MEGF11: variants seen among roughly 807,000 people sequenced by gnomAD.
MEGF11 encodes multiple EGF like domains 11.
In MEGF11, 126 loss-of-function variants were observed where a neutral mutation model predicts 146.6. The observed-to-expected ratio is 0.86, with a 90% CI of 0.74 to 1.00. The LOEUF is 1.00. Ranked by LOEUF, MEGF11 falls within the 50% of genes least tolerant of loss-of-function variation. The probability of loss-of-function intolerance (pLI) is 0.00; values close to 1 mark genes in which losing one functional copy is unlikely to be tolerated. For synonymous variants in MEGF11, 532 were observed against 583.4 expected, an observed-to-expected ratio of 0.91 and a Z score of 1.27; for missense variants, 1,509 against 1,521.2, an observed-to-expected ratio of 0.99 and a Z score of 0.13.
chr15:65,922,405 C>T lies in MEGF11; in HGVS notation c.1890G>A (p.Arg630=), dbSNP rs377478570. ...AGATGCCGCTGATGTGGTGGCAGGGCCTGCTGCTGTGCACGCAGAGGGGGC... is the reference window on the plus strand; with the variant it reads ...AGATGCCGCTGATGTGGTGGCAGGGTCTGCTGCTGTGCACGCAGAGGGGGC... ...QPCPLCVHSS[R]PCHHISGICE... is the part of the protein sequence containing the mutation. The change falls in exon 15 of 26, where the codon AGG becomes AGA. Residue 630 remains arginine, a synonymous_variant. Coordinates refer to ENST00000395614, the MANE Select transcript of MEGF11 (RefSeq NM_001385028.1). 114 of 1,596,492 alleles carry T rather than the reference C, an allele frequency of 7.1e-5. No individual in the cohort carries two copies. Among genetic ancestry groups the T allele is most frequent in the Non-Finnish European group, 9.2e-5 (108 of 1,172,138 alleles).
chr15:66,251,913 C>T (rs1042657068), intron 1 of MEGF11, among the ~76,000 whole-genome samples: 2 of 152,236 alleles, frequency 1.3e-5, no homozygotes, highest in African/African-American at 2.4e-5. Flanking sequence ...CCAGGAAAAT[C>T]CGCCGGAGGA....
At position 65,970,551 on chromosome 15, in the gene MEGF11, A is replaced by G. The variant is rs766574463; in HGVS notation, c.899+2T>C. 1 of 1,613,786 alleles carries G rather than the reference A, an allele frequency of 6.2e-7. No individual in the cohort carries two copies. Among genetic ancestry groups the G allele is most frequent in the Admixed American group, 1.7e-5 (1 of 59,988 alleles). ...AAAGATAACAGTTAACACTATCCTT[A>G]CCTGTCCCCCATGTATCCAGCTGTA... On this transcript the variant is annotated splice_donor_variant, in intron 8 of 25. Coordinates refer to ENST00000395614, the MANE Select transcript of MEGF11 (RefSeq NM_001385028.1). LOFTEE classifies it high-confidence loss of function.
In MEGF11 at chr15:66,021,670, G is replaced by A. The variant is rs147007304; in HGVS notation, c.395-39182C>T. On this transcript the variant is annotated intron_variant, in intron 5 of 25. Transcript: ENST00000395614. Reference sequence around the variant, plus strand: ...CAAATGCTTTTCTACAGGAGGCTCTGGGACTGGCAGAGTTTCCCAGATACC... The same window carrying A: ...CAAATGCTTTTCTACAGGAGGCTCTAGGACTGGCAGAGTTTCCCAGATACC... 3.9e-3 allele frequency among the ~76,000 whole-genome samples: 590 copies of A among 152,288 alleles called. 6 individuals are homozygous for A. Among genetic ancestry groups the A allele is most frequent in the African/African-American group, 0.013 (550 of 41,544 alleles).
In MEGF11 at chr15:66,164,362, G is replaced by A. The variant is rs142391867; in HGVS notation, c.-8-35951C>T. ...CAGTACACAACCTGGATCGCTGCACGTGAGGGGCCTGCTGGATCTACATCA... is the reference window on the plus strand; with the variant it reads ...CAGTACACAACCTGGATCGCTGCACATGAGGGGCCTGCTGGATCTACATCA... On this transcript the variant is annotated intron_variant, in intron 1 of 25. Transcript: ENST00000395614. 1.6e-3 allele frequency among the ~76,000 whole-genome samples: 241 copies of A among 152,274 alleles called. 1 individual carries two copies. Among genetic ancestry groups the A allele is most frequent in the African/African-American group, 5.1e-3 (210 of 41,552 alleles).
intron 3 of MEGF11, among the ~76,000 whole-genome samples, chr15:66,120,205 T>C (rs757677178): frequency 6.6e-6 from 1 of 151,824 alleles, no homozygotes; most frequent in Non-Finnish European, 1.5e-5. Flanking sequence ...AGTGAAGGAG[T>C]AAGTAAAAAG....
chr15:66,018,270 G>A (rs2082965810), intron 5 of MEGF11, among the ~76,000 whole-genome samples: 1 of 152,206 alleles, frequency 6.6e-6, no homozygotes. Context: ...CACTAAGCAG[G>A]GCACAGACCA....
At position 65,922,322 on chromosome 15, in the gene MEGF11, C is replaced by T; in HGVS notation, c.1957+16G>A. On this transcript the variant is annotated intron_variant, in intron 15 of 25. Coordinates refer to ENST00000395614, the MANE Select transcript of MEGF11 (RefSeq NM_001385028.1). The stretch of plus-strand genomic sequence containing the variant: ...TCTCACCTCCCCACCCAGTACCTTC[C>T]CACTGGAGACAGTACCTTGGTTGCA... The T allele has an allele frequency of 2.5e-6, 4 of 1,605,708 alleles. No homozygotes were observed. The highest frequency in any genetic ancestry group is 3.4e-6 in the Non-Finnish European group (4 of 1,176,338).
chr15:66,127,276 C>T (rs139402732), intron 2 of MEGF11, among the ~76,000 whole-genome samples: 4 of 152,364 alleles, frequency 2.6e-5, no homozygotes, highest in African/African-American at 7.2e-5. Flanking sequence ...CTGCCTTTTG[C>T]TCCATCCTCA....
chr15:66,144,434 C>T lies in MEGF11; in HGVS notation c.-8-16023G>A, dbSNP rs2089291559. 2.6e-5 allele frequency among the ~76,000 whole-genome samples: 4 copies of T among 152,288 alleles called. No individual in the cohort carries two copies. The South Asian group carries it at 8.3e-4, about 32-fold the overall frequency. On this transcript the variant is annotated intron_variant, in intron 1 of 25. Transcript: ENST00000395614. ...CACAGGTACCCAGCATGGGTACCCC[C>T]TTCCTGCCAATATCCTAGTTCTTCC... is the stretch of plus-strand genomic sequence containing the variant.
chr15:65,930,365 C>T (rs769289761), intron 11 of MEGF11, among the ~76,000 whole-genome samples: 4 of 152,090 alleles, frequency 2.6e-5, no homozygotes, highest in Admixed American at 2.0e-4. Flanking sequence ...TGCAGGAGAC[C>T]GGCCCACAGA....
At chr15:66,242,747 G>A (rs1050805885) in intron 1 of MEGF11, among the ~76,000 whole-genome samples, 8 of 152,094 alleles carry the variant, frequency 5.3e-5, no homozygotes, top group East Asian at 1.9e-4. Context: ...CTTCCACCTC[G>A]AGGTCCTCTC....
In MEGF11 at chr15:65,918,145, A is replaced by G. The variant is rs1215362254; in HGVS notation, c.1958-51T>C. On this transcript the variant is annotated intron_variant, in intron 15 of 25. Transcript: ENST00000395614. ...CCATCCTCCCACCTGTGTTCCTCTG[A>G]CCTCCACCCACAGCCTCATCCCTAG... 9 of 1,605,578 alleles carry G rather than the reference A, an allele frequency of 5.6e-6. No individual in the cohort carries two copies. In the Admixed American group the frequency reaches 1.3e-4, roughly 24 times the overall value.
chr15:65,942,025 G>A (rs1221577027), intron 10 of MEGF11, among the ~76,000 whole-genome samples: 1 of 152,072 alleles, frequency 6.6e-6, no homozygotes, highest in Non-Finnish European at 1.5e-5. Context: ...TTCTATAACA[G>A]CCCTGCAGGG....
chr15:66,139,706 A>T (rs2089057205), intron 1 of MEGF11, among the ~76,000 whole-genome samples: 1 of 152,150 alleles, frequency 6.6e-6, no homozygotes, highest in Admixed American at 6.5e-5. Context: ...CATTAAGAGA[A>T]TTATCAATCA....
intron 1 of MEGF11, among the ~76,000 whole-genome samples, chr15:66,203,285 C>T (rs2091216399): frequency 6.6e-6 from 1 of 152,182 alleles, no homozygotes; most frequent in Non-Finnish European, 1.5e-5. Flanking sequence ...TGCAGGCTAC[C>T]GTGTGGTTTT....
chr15:66,183,591 C>G (rs1310451446), intron 1 of MEGF11, among the ~76,000 whole-genome samples: 1 of 149,442 alleles, frequency 6.7e-6, no homozygotes, highest in Non-Finnish European at 1.5e-5. Flanking sequence ...AAAGGCCAAA[C>G]AAAAGCTGTT....
intron 5 of MEGF11, among the ~76,000 whole-genome samples, chr15:66,052,711 G>A (rs887012040): frequency 1.2e-4 from 19 of 152,140 alleles, no homozygotes; most frequent in Non-Finnish European, 2.6e-4. Context: ...TCCCCTCAGT[G>A]GCTGTGAGGC....
intron 5 of MEGF11, among the ~76,000 whole-genome samples, chr15:66,014,218 T>C (rs2082806678): frequency 6.6e-6 from 1 of 152,254 alleles, no homozygotes; most frequent in South Asian, 2.1e-4. Flanking sequence ...TGGGGACTCC[T>C]AGACTTTGCC....
Position 65,982,175 on chromosome 15 carries a change from CA to C in MEGF11, c.641+66del. The stretch of plus-strand genomic sequence containing the variant: ...GCCCCTCCACCTCCTCTACCCTCCC[CA>C]CCCAGGCACCCTCCAGGTCCCGCCC... On this transcript the variant is annotated intron_variant, in intron 6 of 25. Coordinates refer to ENST00000395614, the MANE Select transcript of MEGF11 (RefSeq NM_001385028.1). This position sits in a 1 kb window ranked among gnomAD's most constrained non-coding sequence, Gnocchi z 5.6. The C allele has an allele frequency of 1.3e-6, 2 of 1,482,272 alleles. No individual in the cohort carries two copies. The highest frequency in any genetic ancestry group is 1.8e-6 in the Non-Finnish European group (2 of 1,113,734). 91.8% of individuals were successfully genotyped at this position (1,482,272 alleles called of 1,614,324 possible). A position where few individuals can be genotyped will look rare whatever the true frequency, so the allele number is the denominator to read the frequency against.
Sources: allele counts gnomAD v4.1 joint callset (sites outside exome capture counted in the v4.1 genomes callset), GRCh38; gene constraint gnomAD v4.1.1; non-coding constraint Gnocchi (gnomAD v3.1); transcripts MANE v1.5; gene names NCBI Gene and HGNC (gene_info 2026-07-23, HGNC 2026-07-21).